Variants in ZNF831 observed in about 807,000 individuals in gnomAD.
ZNF831 encodes the protein chromosome 20 open reading frame 174.
ZNF831 carries 59 observed loss-of-function variants against 95.8 expected under a neutral mutation model. That is an observed-to-expected ratio of 0.62 (90% CI 0.50 to 0.77). ZNF831 has a LOEUF of 0.77. Ranked by LOEUF, ZNF831 falls within the 30% of genes least tolerant of loss-of-function variation. ZNF831 has a pLI of 0.00. For synonymous variants in ZNF831, 961 were observed against 925.5 expected (o/e 1.04, Z -0.70); for missense variants, 2,205 against 2,164.0 (o/e 1.02, Z -0.38).
At position 59,191,354 on chromosome 20, in the gene ZNF831, C is replaced by G. The variant is rs751452458; in HGVS notation, c.335C>G (p.Thr112Arg). 1 of 1,607,732 alleles carries G rather than the reference C, an allele frequency of 6.2e-7. No homozygotes were observed. Among genetic ancestry groups the G allele is most frequent in the African/African-American group, 1.3e-5 (1 of 74,872 alleles). ...CAGGTGGGGAAGCCGGCGGCCCCTA[C>G]GCTGACGGTGAACATCGTGGGCACT... ...PTQVGKPAAPTLTVNIVGTLP... is the reference protein window; with the variant it reads ...PTQVGKPAAPRLTVNIVGTLP... Residue 112 changes from threonine (T) to arginine (R), a missense_variant, in exon 2 of 6, where the codon ACG becomes AGG. Thr to Arg is a moderately conservative substitution (Grantham distance 71). Coordinates refer to ENST00000371030, the MANE Select transcript of ZNF831 (RefSeq NM_178457.3).
intron 1 of ZNF831, among the ~76,000 whole-genome samples, chr20:59,171,492 T>C (rs1345286513): frequency 6.6e-6 from 1 of 152,202 alleles, no homozygotes; most frequent in Non-Finnish European, 1.5e-5. Flanking sequence ...ACAAGATACA[T>C]CCATGCTTCT....
intron 1 of ZNF831, among the ~76,000 whole-genome samples, chr20:59,166,383 A>G (rs1981265707): frequency 6.6e-6 from 1 of 152,182 alleles, no homozygotes; most frequent in African/African-American, 2.4e-5. Flanking sequence ...TTTTGAGAAC[A>G]TTGCAGATTC....
chr20:59,126,711 C>T (rs187359262), intron 1 of ZNF831, among the ~76,000 whole-genome samples: 633 of 152,330 alleles, frequency 4.2e-3, no homozygotes, highest in Middle Eastern at 6.8e-3. Context: ...CTCTCCTCTC[C>T]GCTTGCTGTC....
rs1418366894 is a variant in ZNF831 at position 59,217,425 on chromosome 20, T to G, written c.4027+10369T>G. 1.3e-5 allele frequency among the ~76,000 whole-genome samples: 2 copies of G among 152,216 alleles called. No individual in the cohort carries two copies. The highest frequency in any genetic ancestry group is 2.9e-5 in the Non-Finnish European group (2 of 68,036). On this transcript the variant is annotated intron_variant, in intron 4 of 5. Transcript: ENST00000371030. The surrounding 1 kb of genome is among the most constrained non-coding windows in gnomAD (Gnocchi z 4.4). ...GCATCATGCTCCTTGGACACACTGT[T>G]TATATCTCCTTAGCCCAGGCAGGGT...
intron 1 of ZNF831, among the ~76,000 whole-genome samples, chr20:59,168,970 G>A (rs1981511172): frequency 1.3e-5 from 2 of 152,102 alleles, no homozygotes; most frequent in Non-Finnish European, 2.9e-5. Flanking sequence ...TTTGGGAGAG[G>A]TTTTGAGTCT....
intron 4 of ZNF831, among the ~76,000 whole-genome samples, chr20:59,214,223 T>C (rs1161411194): frequency 6.6e-6 from 1 of 152,234 alleles, no homozygotes; most frequent in African/African-American, 2.4e-5. Context: ...CTTCACTGCA[T>C]GGTGTGTGCC....
chr20:59,126,724 C>T (rs1457112469), intron 1 of ZNF831, among the ~76,000 whole-genome samples: 9 of 152,222 alleles, frequency 5.9e-5, no homozygotes, highest in Non-Finnish European at 1.2e-4. Context: ...TTGCTGTCCG[C>T]ATCAGCCACC....
At chr20:59,212,085 T>C (rs1009858380) in intron 4 of ZNF831, among the ~76,000 whole-genome samples, 19 of 152,218 alleles carry the variant, frequency 1.2e-4, no homozygotes, top group Non-Finnish European at 2.2e-4. Context: ...TGAATACTTG[T>C]GTCCAGGGAC....
upstream of ZNF831, among the ~76,000 whole-genome samples, chr20:59,163,429 G>A (rs141253560): frequency 3.8e-4 from 58 of 152,240 alleles, 1 homozygote; most frequent in African/African-American, 9.1e-4. Context: ...AGACAGCATC[G>A]CAGAAATCTT....
rs761148930 is a variant in ZNF831, at chr20:59,257,906, G to A, written c.*3163G>A. On this transcript the variant is annotated 3_prime_UTR_variant, in exon 6 of 6. Coordinates refer to ENST00000371030, the MANE Select transcript of ZNF831 (RefSeq NM_178457.3). ...ACTCACCAGGTTTCTCTCTCCACCT[G>A]TACCTACACCCAGCTAGATCTTGTC... The A allele has an allele frequency of 4.6e-5, 7 of 152,096 alleles. No individual in the cohort carries two copies. The highest frequency in any genetic ancestry group is 3.4e-3 in the Middle Eastern group (1 of 294). 9.4% of individuals were successfully genotyped at this position (152,096 alleles called of 1,614,324 possible). A position where few individuals can be genotyped will look rare whatever the true frequency, so the allele number is the denominator to read the frequency against.
At chr20:59,123,772 G>C (rs2146429813) in intron 1 of ZNF831, among the ~76,000 whole-genome samples, 1 of 152,302 alleles carries the variant, frequency 6.6e-6, no homozygotes, top group African/African-American at 2.4e-5. Flanking sequence ...GGTCTTCCCA[G>C]CCCAGCCACA....
chr20:59,159,689 G>A (rs1601312033), upstream of ZNF831: 1 of 152,218 alleles, frequency 6.6e-6, no homozygotes. Flanking sequence ...AATGGAGAGA[G>A]CATGCGGTGG....
intron 4 of ZNF831, among the ~76,000 whole-genome samples, chr20:59,235,151 G>C (rs755132969): frequency 2.6e-5 from 4 of 152,092 alleles, no homozygotes; most frequent in Non-Finnish European, 4.4e-5. Context: ...TTTTCCTCAT[G>C]ATGAGTCTGG....
chr20:59,192,078 G>A lies in ZNF831; in HGVS notation c.1059G>A (p.Ala353=). ...GGTACCTGTCGCGCTCCGACAGCGC[G>A]GAGCAGCCGCATGCGCCCTGCAGCC... ...DSGYLSRSDS[A]EQPHAPCSPL... The change falls in exon 2 of 6, where the codon GCG becomes GCA. Residue 353 remains alanine, a synonymous_variant. Coordinates refer to ENST00000371030, the MANE Select transcript of ZNF831 (RefSeq NM_178457.3). This position sits in a 1 kb window ranked among gnomAD's most constrained non-coding sequence, Gnocchi z 5.2. 6.2e-7 allele frequency: 1 copy of A among 1,604,140 alleles called. No homozygotes were observed.
At chr20:59,145,336 G>C (rs1376651080) in intron 1 of ZNF831, among the ~76,000 whole-genome samples, 1 of 152,030 alleles carries the variant, frequency 6.6e-6, no homozygotes, top group East Asian at 1.9e-4. Flanking sequence ...GGAGAGGAGG[G>C]GTCGGTCCTT....
At chr20:59,204,829 C>A (rs2146631782) in intron 3 of ZNF831, among the ~76,000 whole-genome samples, 1 of 152,242 alleles carries the variant, frequency 6.6e-6, no homozygotes, top group South Asian at 2.1e-4. Context: ...GATGAGCTTG[C>A]AAAACCTTCC....
chr20:59,252,793 G>A (rs941748332), intron 4 of ZNF831, among the ~76,000 whole-genome samples, 185 bp from the exon 5 acceptor site: 1 of 151,994 alleles, frequency 6.6e-6, no homozygotes, highest in Non-Finnish European at 1.5e-5. Flanking sequence ...CCTTCATAGA[G>A]TGGATATATT....
At chr20:59,138,854 T>C (rs1373602026) in intron 1 of ZNF831, among the ~76,000 whole-genome samples, 1 of 152,232 alleles carries the variant, frequency 6.6e-6, no homozygotes, top group Non-Finnish European at 1.5e-5. Context: ...TTCTGCAGCA[T>C]GATCTAACTG....
chr20:59,253,191 G>C, intron 5 of ZNF831, 53 bp downstream of exon 5: 1 of 1,588,140 alleles, frequency 6.3e-7, no homozygotes, highest in East Asian at 2.2e-5. Context: ...TAGATGTATA[G>C]CCCTGCTTGT....
Sources: gnomAD v4.1 joint callset for allele counts (sites outside exome capture counted in the v4.1 genomes callset) on GRCh38, gnomAD v4.1.1 for gene constraint, Gnocchi (gnomAD v3.1) non-coding constraint, MANE v1.5 for transcripts, NCBI Gene and HGNC (gene_info 2026-07-23, HGNC 2026-07-21) for gene names.